ABCG2: variants seen among roughly 807,000 people sequenced by gnomAD.
ABCG2 encodes the protein broad substrate specificity ATP-binding cassette transporter ABCG2.
In ABCG2, 80 loss-of-function variants were observed where a neutral mutation model predicts 73.5. That is an observed-to-expected ratio of 1.09 (90% CI 0.91 to 1.31). The LOEUF (loss-of-function observed/expected upper bound fraction) is 1.31. Ranked by LOEUF, ABCG2 falls within the 50% of genes most tolerant of loss-of-function variation. The pLI, the probability that ABCG2 is intolerant of heterozygous loss-of-function variation, is 0.00. For synonymous variants in ABCG2, 269 were observed against 282.4 expected (o/e 0.95, Z 0.48); for missense variants, 796 against 786.2 (o/e 1.01, Z -0.15).
At chr4:88,167,023 A>T (rs1331589183) in intron 1 of ABCG2, among the ~76,000 whole-genome samples, 1 of 152,172 alleles carries the variant, frequency 6.6e-6, no homozygotes, top group Non-Finnish European at 1.5e-5. Context: ...ATTACCATCA[A>T]GTTAATGTCT....
At chr4:88,153,891 G>A (rs1726732561) in intron 1 of ABCG2, among the ~76,000 whole-genome samples, 1 of 152,146 alleles carries the variant, frequency 6.6e-6, no homozygotes, top group African/African-American at 2.4e-5. Context: ...TAGTAGAATA[G>A]CAGATGGAAC....
chr4:88,209,182 C>T (rs1729490526), intron 1 of ABCG2, among the ~76,000 whole-genome samples: 1 of 150,614 alleles, frequency 6.6e-6, no homozygotes, highest in Admixed American at 6.7e-5. Flanking sequence ...TGGTCGCACA[C>T]ACCTACAATT....
chr4:88,138,528 A>G (rs918668238), intron 2 of ABCG2, among the ~76,000 whole-genome samples: 2 of 152,248 alleles, frequency 1.3e-5, no homozygotes, highest in Non-Finnish European at 2.9e-5. Context: ...GTAGATGACT[A>G]TCTGAATGGT....
At chr4:88,193,610 T>A (rs937309713) in intron 1 of ABCG2, among the ~76,000 whole-genome samples, 1 of 152,202 alleles carries the variant, frequency 6.6e-6, no homozygotes, top group African/African-American at 2.4e-5. Flanking sequence ...TACAATGATA[T>A]CAAGCTCAAC....
intron 15 of ABCG2, among the ~76,000 whole-genome samples, chr4:88,092,595 C>T (rs1274310498): frequency 6.6e-6 from 1 of 152,126 alleles, no homozygotes; most frequent in Admixed American, 6.5e-5. Flanking sequence ...TAAAACAATC[C>T]AATGTGATAG....
intron 1 of ABCG2, among the ~76,000 whole-genome samples, chr4:88,151,368 G>A (rs757700605): frequency 6.6e-6 from 1 of 152,192 alleles, no homozygotes; most frequent in Non-Finnish European, 1.5e-5. Flanking sequence ...CGTGAGTCTA[G>A]TACATGTCAA....
chr4:88,164,766 G>T (rs1004583604), intron 1 of ABCG2, among the ~76,000 whole-genome samples: 6 of 152,060 alleles, frequency 3.9e-5, no homozygotes, highest in African/African-American at 1.2e-4. Context: ...GAGGTAAATG[G>T]ATTTTTTGTT....
At chr4:88,109,984 CTG>C (rs1328115292) in intron 9 of ABCG2, among the ~76,000 whole-genome samples, 1 of 152,094 alleles carries the variant, frequency 6.6e-6, no homozygotes, top group Non-Finnish European at 1.5e-5. Flanking sequence ...AAGTCTCACT[CTG>C]TCACTCAGGC....
intron 1 of ABCG2, among the ~76,000 whole-genome samples, chr4:88,168,348 A>AGGCG (rs1727624280): frequency 6.6e-6 from 1 of 152,070 alleles, no homozygotes. Flanking sequence ...TTAGCTGAGC[A>AGGCG]TGGTGGCATG....
upstream of ABCG2, among the ~76,000 whole-genome samples, chr4:88,162,825 C>A (rs1727367930): frequency 6.6e-6 from 1 of 152,204 alleles, no homozygotes. Flanking sequence ...AAGTGACTCA[C>A]AGCCTTCCAA....
chr4:88,120,401 C>G (rs903137830), intron 6 of ABCG2, among the ~76,000 whole-genome samples: 1 of 152,104 alleles, frequency 6.6e-6, no homozygotes, highest in Non-Finnish European at 1.5e-5. Flanking sequence ...TTGAATTGTG[C>G]ATCTGGAAAA....
At chr4:88,198,218 A>G (rs1411960595) in intron 1 of ABCG2, among the ~76,000 whole-genome samples, 1 of 152,068 alleles carries the variant, frequency 6.6e-6, no homozygotes, top group Non-Finnish European at 1.5e-5. Flanking sequence ...CTGTAATCCC[A>G]GCTACTCGGG....
At chr4:88,154,042 A>G (rs1726748243) in intron 1 of ABCG2, among the ~76,000 whole-genome samples, 1 of 152,172 alleles carries the variant, frequency 6.6e-6, no homozygotes, top group African/African-American at 2.4e-5. Context: ...CTGGAAGGAG[A>G]TATTTTCCTT....
At chr4:88,187,088 T>C (rs1333422925) in intron 1 of ABCG2, among the ~76,000 whole-genome samples, 2 of 87,714 alleles carry the variant, frequency 2.3e-5, no homozygotes, top group African/African-American at 5.4e-5. Context: ...AGCAAGATTC[T>C]GTCTCAAAAA....
chr4:88,167,413 G>C (rs1357912294), intron 1 of ABCG2, among the ~76,000 whole-genome samples: 1 of 112,270 alleles, frequency 8.9e-6, no homozygotes, highest in East Asian at 2.6e-4. Flanking sequence ...TCGCCCTGTT[G>C]CCCAGGCTGG....
chr4:88,147,320 C>A (rs1008174448), intron 1 of ABCG2, among the ~76,000 whole-genome samples: 1 of 152,098 alleles, frequency 6.6e-6, no homozygotes. Context: ...AACTCTCTAG[C>A]AATATATACC....
At chr4:88,188,586 C>T (rs1250079019) in intron 1 of ABCG2, among the ~76,000 whole-genome samples, 1 of 151,934 alleles carries the variant, frequency 6.6e-6, no homozygotes, top group African/African-American at 2.4e-5. Context: ...ATGATTTTGG[C>T]TATTCAGAGT....
chr4:88,193,604 A>G (rs527774222), intron 1 of ABCG2, among the ~76,000 whole-genome samples: 68 of 152,368 alleles, frequency 4.5e-4, no homozygotes, highest in South Asian at 4.3e-3. Flanking sequence ...AGGCAATACA[A>G]TGATATCAAG....
At chr4:88,166,320 T>G (rs1727518363) in intron 1 of ABCG2, among the ~76,000 whole-genome samples, 1 of 152,212 alleles carries the variant, frequency 6.6e-6, no homozygotes, top group African/African-American at 2.4e-5. Flanking sequence ...TACCATCATT[T>G]GTTTCCCTAA....
Sources: gnomAD v4.1 joint callset for allele counts (sites outside exome capture counted in the v4.1 genomes callset) on GRCh38, gnomAD v4.1.1 for gene constraint, MANE v1.5 for transcripts, NCBI Gene and HGNC (gene_info 2026-07-23, HGNC 2026-07-21) for gene names.